THAP4: variants seen among roughly 807,000 people sequenced by gnomAD.
THAP4 encodes the protein THAP domain containing 4, also known as peroxynitrite isomerase THAP4.
In THAP4, 18 loss-of-function variants were observed where a neutral mutation model predicts 48.1. The observed-to-expected ratio is 0.37, with a 90% confidence interval of 0.26 to 0.56. The LOEUF (loss-of-function observed/expected upper bound fraction) is 0.56. Ranked by LOEUF, THAP4 falls within the 20% of genes least tolerant of loss-of-function variation. The probability of loss-of-function intolerance (pLI) is 0.78; values close to 1 mark genes in which losing one functional copy is unlikely to be tolerated. For synonymous variants in THAP4, 345 were observed against 324.9 expected, an observed-to-expected ratio of 1.06 and a Z score of -0.66; for missense variants, 656 against 774.9, an observed-to-expected ratio of 0.85 and a Z score of 1.82.
intron 2 of THAP4, among the ~76,000 whole-genome samples, chr2:241,629,623 G>T (rs1219887122): frequency 6.6e-6 from 1 of 151,826 alleles, no homozygotes; most frequent in East Asian, 1.9e-4. Context: ...TCTACAAAAA[G>T]ACTTTTGGAT....
rs1417292291 is a variant in THAP4, at chr2:241,612,029, A to C, written c.1241-5556T>G. Among the ~76,000 whole-genome samples the C allele has an allele frequency of 6.6e-6, 1 of 152,220 alleles. No individual in the cohort carries two copies. The highest frequency in any genetic ancestry group is 1.5e-5 in the Non-Finnish European group (1 of 68,046). On this transcript the variant is annotated intron_variant, in intron 2 of 5. Coordinates refer to ENST00000407315, the MANE Select transcript of THAP4 (RefSeq NM_015963.6). The surrounding 1 kb of genome is among the most constrained non-coding windows in gnomAD (Gnocchi z 4.1). ...GTGATTCTCCCGCCTCAGCCTCCCG[A>C]GTAGTTGAATGAAGCTGCTCCATGA...
intron 3 of THAP4, among the ~76,000 whole-genome samples, chr2:241,603,734 A>G (rs575245590): frequency 6.6e-6 from 1 of 152,334 alleles, no homozygotes; most frequent in South Asian, 2.1e-4. Context: ...ATCAATTCCT[A>G]CGGTAAAAAA....
rs535516426 is a variant in THAP4, at chr2:241,623,605, G to A, written c.1240+9312C>T. Among the ~76,000 whole-genome samples, 8 of 145,450 alleles carry A rather than the reference G, an allele frequency of 5.5e-5. No homozygotes were observed. In the East Asian group the frequency reaches 1.6e-3, roughly 29 times the overall value. On this transcript the variant is annotated intron_variant, in intron 2 of 5. Transcript: ENST00000407315. ...AGAAAGAAAAAAGGAAAAAAAAAAA[G>A]AGAGAAGGTACAAATTATTGATATC... is the stretch of plus-strand genomic sequence containing the variant.
intron 5 of THAP4, among the ~76,000 whole-genome samples, chr2:241,599,071 G>T (rs568485924): frequency 6.6e-6 from 1 of 152,198 alleles, no homozygotes; most frequent in African/African-American, 2.4e-5. Context: ...GGCCAACATG[G>T]TGAAACCCCA....
intron 5 of THAP4, among the ~76,000 whole-genome samples, chr2:241,585,912 C>CAAAAAAAAAAAAAAAAAAAAAA (rs1175852721): frequency 4.2e-4 from 12 of 28,260 alleles, no homozygotes; most frequent in South Asian, 1.8e-3. Context: ...GACTCCTTCT[C>CAAAAAAAAAAAAAAAAAAAAAA]AAAAAAAAAA....
At chr2:241,606,028 A>G (rs2067179075) in intron 3 of THAP4, among the ~76,000 whole-genome samples, 1 of 152,188 alleles carries the variant, frequency 6.6e-6, no homozygotes, top group Non-Finnish European at 1.5e-5. Context: ...ATTAATTTTG[A>G]TACATAAATT....
rs561197762 is a variant in THAP4 at position 241,630,878 on chromosome 2, T to C, written c.1240+2039A>G. Among the ~76,000 whole-genome samples the C allele has an allele frequency of 1.1e-4, 16 of 151,448 alleles. No homozygotes were observed. In the South Asian group the frequency reaches 2.7e-3, roughly 26 times the overall value. On this transcript the variant is annotated intron_variant, in intron 2 of 5. Transcript: ENST00000407315. The stretch of plus-strand genomic sequence containing the variant: ...TCATCTGTACTAAAAATATAAGAAT[T>C]AGCCAGGTGTGGTGATAGGGGCCTG...
chr2:241,585,912 C>CAAA lies in THAP4; in HGVS notation c.1615-1190_1615-1188dup, dbSNP rs1175852721. 8.1e-4 allele frequency among the ~76,000 whole-genome samples: 23 copies of CAAA among 28,250 alleles called. 1 individual carries two copies. Among genetic ancestry groups the CAAA allele is most frequent in the South Asian group, 3.6e-3 (2 of 560 alleles). The allele number at this position is 28,250 out of a possible 152,430, so 18.5% of individuals were successfully genotyped here. On this transcript the variant is annotated intron_variant, in intron 5 of 5. Coordinates refer to ENST00000407315, the MANE Select transcript of THAP4 (RefSeq NM_015963.6). ...TGGGTGACAGAGCAAGACTCCTTCT[C>CAAA]AAAAAAAAAAAAAAAAAGAAAAAAA...
intron 2 of THAP4, among the ~76,000 whole-genome samples, chr2:241,621,495 C>CAAACCAAAAAA (rs1471511507): frequency 3.3e-5 from 5 of 151,912 alleles, no homozygotes; most frequent in African/African-American, 1.2e-4. Flanking sequence ...ACCAAAAATG[C>CAAACCAAAAAA]TAACTGAAAT....
chr2:241,633,255 G>A lies in THAP4; in HGVS notation c.902C>T (p.Ser301Phe), dbSNP rs2067590409. ...ATPQKPSQSP[S>F]APPADVTPKP... ...TGGGGTGACGTCGGCAGGAGGGGCAGAGGGGCTCTGGGAAGGCTTCTGCGG... is the reference window on the plus strand; with the variant it reads ...TGGGGTGACGTCGGCAGGAGGGGCAAAGGGGCTCTGGGAAGGCTTCTGCGG... The change falls in exon 2 of 6, where the codon TCT becomes TTT. Residue 301 changes from serine (S) to phenylalanine (F), a missense_variant. Transcript: ENST00000407315. The surrounding 1 kb of genome is among the most constrained non-coding windows in gnomAD (Gnocchi z 7.5). The A allele has an allele frequency of 6.2e-7, 1 of 1,610,812 alleles. No homozygotes were observed. Among genetic ancestry groups the A allele is most frequent in the African/African-American group, 1.3e-5 (1 of 74,892 alleles).
chr2:241,622,595 C>CA (rs1216319718), intron 2 of THAP4, among the ~76,000 whole-genome samples: 5 of 150,262 alleles, frequency 3.3e-5, no homozygotes, highest in African/African-American at 9.8e-5. Flanking sequence ...AGAAAACAAA[C>CA]AAAAAAAAAG....
At chr2:241,594,521 T>C in intron 5 of THAP4, 1 of 274,278 alleles carries the variant, frequency 3.6e-6, no homozygotes, top group South Asian at 3.9e-5. Context: ...GTTCAGGAGT[T>C]CAAGACCTGC....
intron 2 of THAP4, among the ~76,000 whole-genome samples, chr2:241,627,627 C>T (rs1231611203): frequency 6.6e-6 from 1 of 152,160 alleles, no homozygotes; most frequent in Non-Finnish European, 1.5e-5. Context: ...GACAAGTGTG[C>T]GGCGCTTTCC....
upstream of THAP4, chr2:241,637,216 G>A (rs1165055455): frequency 4.0e-6 from 4 of 991,620 alleles, no homozygotes; most frequent in East Asian, 1.1e-4. Context: ...CCGCGTCCTC[G>A]CCAGCCGCGG....
intron 5 of THAP4, among the ~76,000 whole-genome samples, chr2:241,592,738 G>A (rs970571172): frequency 9.2e-5 from 14 of 152,210 alleles, no homozygotes; most frequent in Non-Finnish European, 1.8e-4. Flanking sequence ...GGAAAAACCG[G>A]GTGCTTCTGC....
chr2:241,602,459 G>C (rs1025815163), intron 4 of THAP4, among the ~76,000 whole-genome samples: 1 of 151,764 alleles, frequency 6.6e-6, no homozygotes. Context: ...CTGCCTCCCA[G>C]GTTCAAGTGA....
At chr2:241,628,537 C>T (rs2067520360) in intron 2 of THAP4, among the ~76,000 whole-genome samples, 1 of 151,942 alleles carries the variant, frequency 6.6e-6, no homozygotes, top group South Asian at 2.1e-4. Context: ...CTCTCAACCC[C>T]CTGAACCCAG....
intron 1 of THAP4, among the ~76,000 whole-genome samples, chr2:241,634,296 C>CTTATAGTCTGTAGGGCGGATGGGA (rs2067609942): frequency 6.6e-6 from 1 of 152,192 alleles, no homozygotes; most frequent in African/African-American, 2.4e-5. Flanking sequence ...CCATACAGAG[C>CTTATAGTCTGTAGGGCGGATGGGA]TTATAGTCTG....
Position 241,612,347 on chromosome 2 carries a change from G to A in THAP4, c.1241-5874C>T, listed in dbSNP as rs1462744362. 6.6e-6 allele frequency among the ~76,000 whole-genome samples: 1 copy of A among 152,238 alleles called. No homozygotes were observed. The highest frequency in any genetic ancestry group is 2.4e-5 in the African/African-American group (1 of 41,458). On this transcript the variant is annotated intron_variant, in intron 2 of 5. Coordinates refer to ENST00000407315, the MANE Select transcript of THAP4 (RefSeq NM_015963.6). The surrounding 1 kb of genome is among the most constrained non-coding windows in gnomAD (Gnocchi z 4.1). ...GCTGATGGGGACGTGAACTGGCACA[G>A]CCTAGTGAAGACCATCTGGCATGTG...
Sources: gnomAD v4.1 joint callset for allele counts (sites outside exome capture counted in the v4.1 genomes callset) on GRCh38, gnomAD v4.1.1 for gene constraint, Gnocchi (gnomAD v3.1) non-coding constraint, MANE v1.5 for transcripts, NCBI Gene and HGNC (gene_info 2026-07-23, HGNC 2026-07-21) for gene names.